The following UBE2W variants were observed in gnomAD, a reference collection of about 807,000 sequenced individuals.
The protein encoded by UBE2W is ubiquitin conjugating enzyme E2 W.
In UBE2W, 18 loss-of-function variants were observed where a neutral mutation model predicts 27.2. The observed-to-expected ratio is 0.66, with a 90% CI of 0.46 to 0.98. UBE2W has a LOEUF of 0.98. Ranked by LOEUF, UBE2W falls within the 50% of genes least tolerant of loss-of-function variation. UBE2W has a pLI of 0.00. For synonymous variants in UBE2W, 53 were observed against 57.2 expected (o/e 0.93, Z 0.33); for missense variants, 90 against 180.2 (o/e 0.50, Z 2.87).
intron 1 of UBE2W, chr8:73,833,702 TA>T (rs1343278707): frequency 1.3e-5 from 2 of 151,612 alleles, no homozygotes; most frequent in African/African-American, 2.4e-5. Flanking sequence ...TTATGAATTT[TA>T]AAACCAAATA....
At position 73,786,725 on chromosome 8, in the gene UBE2W, G is replaced by T. The variant is rs1234796453; in HGVS notation, c.*7377C>A. The T allele has an allele frequency of 1.0e-6, 1 of 985,434 alleles. No homozygotes were observed. Among genetic ancestry groups the T allele is most frequent in the Non-Finnish European group, 1.2e-6 (1 of 829,944 alleles). The allele number at this position is 985,434 out of a possible 1,614,324, so 61.0% of individuals were successfully genotyped here. On this transcript the variant is annotated 3_prime_UTR_variant, in exon 6 of 6. Coordinates refer to ENST00000602593, the MANE Select transcript of UBE2W (RefSeq NM_018299.6). ...CCTAGGGACACCAAGGCCAGGTAGT[G>T]AAAGGCCCTAATGGTAAGGAGACTG...
intron 3 of UBE2W, among the ~76,000 whole-genome samples, chr8:73,823,476 C>T (rs1420282145): frequency 6.6e-6 from 1 of 152,126 alleles, no homozygotes; most frequent in Non-Finnish European, 1.5e-5. Flanking sequence ...AATATTCTTC[C>T]TTCCCATACC....
chr8:73,877,636 A>G (rs565509866), intron 1 of UBE2W, among the ~76,000 whole-genome samples: 17 of 152,290 alleles, frequency 1.1e-4, no homozygotes, highest in Non-Finnish European at 1.8e-4. Flanking sequence ...AAAAGCAAAA[A>G]ACACTTCTAA....
intron 1 of UBE2W, chr8:73,870,367 T>C (rs1421474915): frequency 6.8e-6 from 10 of 1,474,426 alleles, no homozygotes; most frequent in East Asian, 2.5e-5. Context: ...TTTCCATTGA[T>C]AGCTAGTGCA....
At chr8:73,826,614 C>T (rs1809845231) in intron 2 of UBE2W, among the ~76,000 whole-genome samples, 2 of 152,092 alleles carry the variant, frequency 1.3e-5, no homozygotes, top group East Asian at 1.9e-4. Context: ...TAAGAATGCA[C>T]GCTGAGTACC....
intron 3 of UBE2W, among the ~76,000 whole-genome samples, chr8:73,812,868 G>A (rs1025701782): frequency 4.0e-5 from 6 of 151,556 alleles, no homozygotes; most frequent in African/African-American, 7.3e-5. Context: ...AGCTGGGAGC[G>A]GTGGCACGTG....
At chr8:73,803,208 T>A (rs1182436519) in intron 5 of UBE2W, among the ~76,000 whole-genome samples, 2 of 152,164 alleles carry the variant, frequency 1.3e-5, no homozygotes, top group Admixed American at 6.5e-5. Flanking sequence ...AGAGCGAGAC[T>A]TCATCTCAAA....
chr8:73,874,401 C>T (rs1812132530), intron 1 of UBE2W, among the ~76,000 whole-genome samples: 1 of 152,134 alleles, frequency 6.6e-6, no homozygotes, highest in African/African-American at 2.4e-5. Context: ...CACTGCACTC[C>T]AGCCTGGGCG....
intron 1 of UBE2W, among the ~76,000 whole-genome samples, chr8:73,861,882 A>G (rs1811547178): frequency 6.6e-6 from 1 of 152,230 alleles, no homozygotes; most frequent in African/African-American, 2.4e-5. Flanking sequence ...AGGACAGTCA[A>G]TAAGTGCTCA....
At chr8:73,833,464 G>A (rs1231242031) in intron 1 of UBE2W, among the ~76,000 whole-genome samples, 19 of 151,966 alleles carry the variant, frequency 1.3e-4, no homozygotes, top group Non-Finnish European at 2.6e-4. Flanking sequence ...TATTGTTAAT[G>A]AACATCGTTT....
chr8:73,856,056 T>G (rs1359987034), intron 1 of UBE2W, among the ~76,000 whole-genome samples: 1 of 152,220 alleles, frequency 6.6e-6, no homozygotes, highest in African/African-American at 2.4e-5. Context: ...AATGCTATTG[T>G]TATTTCCATA....
intron 3 of UBE2W, among the ~76,000 whole-genome samples, chr8:73,814,160 G>C (rs980449048): frequency 6.6e-6 from 1 of 152,152 alleles, no homozygotes; most frequent in Non-Finnish European, 1.5e-5. Context: ...CAAGCCAAAG[G>C]AGAAAGTGAA....
At position 73,791,366 on chromosome 8, in the gene UBE2W, G is replaced by C. The variant is rs181517524; in HGVS notation, c.*2736C>G. 1.8e-4 allele frequency: 180 copies of C among 983,312 alleles called. 1 individual carries two copies. The highest frequency in any genetic ancestry group is 7.2e-6 in the Non-Finnish European group (6 of 829,148). The allele number at this position is 983,312 out of a possible 1,614,324, so 60.9% of individuals were successfully genotyped here. On this transcript the variant is annotated 3_prime_UTR_variant, in exon 6 of 6. Transcript: ENST00000602593. The stretch of plus-strand genomic sequence containing the variant: ...CTTAATAGAATTTGGCAAACCAGAA[G>C]AATGGCCTAAAAATAAATAAATAAA...
intron 1 of UBE2W, among the ~76,000 whole-genome samples, chr8:73,854,591 AG>A (rs1415962549): frequency 1.3e-5 from 2 of 152,230 alleles, no homozygotes; most frequent in African/African-American, 4.8e-5. Context: ...CATAAAATCT[AG>A]TTTTCTAATA....
Position 73,878,843 on chromosome 8 carries a change from A to C in UBE2W, c.-21T>G, listed in dbSNP as rs972672144. On this transcript the variant is annotated 5_prime_UTR_variant, in exon 1 of 6. Transcript: ENST00000602593. ...GCCATGATGGAACCATCCCCCCAAG[A>C]CCGGCGAGGCCAGAGACGCAGGGGG... The C allele has an allele frequency of 1.4e-5, 21 of 1,548,080 alleles. No homozygotes were observed. In the Admixed American group the frequency reaches 2.4e-4, roughly 17 times the overall value.
intron 1 of UBE2W, chr8:73,831,726 A>T (rs1038027998): frequency 6.6e-6 from 1 of 150,910 alleles, no homozygotes; most frequent in African/African-American, 2.5e-5. Flanking sequence ...TTAAAAAAAA[A>T]AATTTTTTTT....
At chr8:73,849,482 AG>A (rs2130945742) in intron 1 of UBE2W, among the ~76,000 whole-genome samples, 1 of 127,660 alleles carries the variant, frequency 7.8e-6, no homozygotes, top group Non-Finnish European at 1.6e-5. Flanking sequence ...ACTGCACTCC[AG>A]CCTGGGCAAC....
At chr8:73,855,468 C>T (rs545555356) in intron 1 of UBE2W, among the ~76,000 whole-genome samples, 2 of 125,378 alleles carry the variant, frequency 1.6e-5, no homozygotes, top group East Asian at 2.6e-4. Context: ...GTGGTGCTAT[C>T]TTGGCTCACT....
chr8:73,862,514 TGGGCAA>T (rs1811571996), intron 1 of UBE2W, among the ~76,000 whole-genome samples: 1 of 151,530 alleles, frequency 6.6e-6, no homozygotes, highest in Admixed American at 6.6e-5. Context: ...GACATAGGCA[TGGGCAA>T]GGACTTCATG....
Sources: allele counts gnomAD v4.1 joint callset (sites outside exome capture counted in the v4.1 genomes callset), GRCh38; gene constraint gnomAD v4.1.1; transcripts MANE v1.5; gene names NCBI Gene and HGNC (gene_info 2026-07-23, HGNC 2026-07-21).